Variants in PIP5K1A observed in about 807,000 individuals in gnomAD.
The protein encoded by PIP5K1A is phosphatidylinositol 4-phosphate 5-kinase type-1 alpha.
PIP5K1A carries 46 observed loss-of-function variants against 72.9 expected under a neutral mutation model. That is an observed-to-expected ratio of 0.63 (90% confidence interval 0.50 to 0.81). The LOEUF is 0.81. PIP5K1A is among the 30% of genes least tolerant of loss of function. The probability of loss-of-function intolerance (pLI) is 0.00; values close to 1 mark genes in which losing one functional copy is unlikely to be tolerated. For missense variants in PIP5K1A, 458 were observed against 706.1 expected (o/e 0.65, Z 3.98); for synonymous variants, 228 against 255.1 (o/e 0.89, Z 1.01).
intron 12 of PIP5K1A, among the ~76,000 whole-genome samples, chr1:151,240,893 G>A (rs1004902589): frequency 7.2e-5 from 11 of 151,930 alleles, no homozygotes; most frequent in Admixed American, 2.6e-4. Flanking sequence ...GGCCCGGCAC[G>A]GTGGCTCACA....
At chr1:151,203,655 C>T (rs1685519562) in intron 1 of PIP5K1A, among the ~76,000 whole-genome samples, 1 of 151,838 alleles carries the variant, frequency 6.6e-6, no homozygotes, top group Admixed American at 6.6e-5. Flanking sequence ...GAAACCCCGT[C>T]TCTACTAAAA....
chr1:151,201,466 C>G (rs1685205252), intron 1 of PIP5K1A, among the ~76,000 whole-genome samples: 2 of 151,984 alleles, frequency 1.3e-5, no homozygotes, highest in South Asian at 4.1e-4. Context: ...TCTCCTGACT[C>G]AGTCTCCCAA....
At chr1:151,207,056 GA>G (rs1686037933) in intron 1 of PIP5K1A, among the ~76,000 whole-genome samples, 1 of 151,876 alleles carries the variant, frequency 6.6e-6, no homozygotes. Context: ...TTTTAGTAGA[GA>G]TGAGGTTTCA....
chr1:151,245,708 G>A (rs2101737161), intron 14 of PIP5K1A, among the ~76,000 whole-genome samples: 1 of 152,178 alleles, frequency 6.6e-6, no homozygotes, highest in African/African-American at 2.4e-5. Context: ...GCTAATTTTT[G>A]TATTTTTGGT....
chr1:151,211,938 C>T (rs1686876451), intron 1 of PIP5K1A, among the ~76,000 whole-genome samples: 1 of 151,460 alleles, frequency 6.6e-6, no homozygotes, highest in Non-Finnish European at 1.5e-5. Flanking sequence ...CCCGTCTCTA[C>T]TAAAAACAAA....
At chr1:151,247,572 C>T (rs587708277) in intron 15 of PIP5K1A, among the ~76,000 whole-genome samples, 15 of 152,140 alleles carry the variant, frequency 9.9e-5, no homozygotes, top group African/African-American at 3.6e-4. Context: ...ACTACAGGCG[C>T]CCACCACCAT....
chr1:151,246,493 C>G (rs1337899648), intron 14 of PIP5K1A, among the ~76,000 whole-genome samples: 2 of 151,978 alleles, frequency 1.3e-5, no homozygotes, highest in Non-Finnish European at 1.5e-5. Context: ...GAGCATGAGT[C>G]CAAGAAGAAG....
intron 11 of PIP5K1A, among the ~76,000 whole-genome samples, chr1:151,239,677 A>C (rs1329633532): frequency 1.3e-5 from 2 of 152,046 alleles, no homozygotes; most frequent in African/African-American, 4.8e-5. Context: ...ACAGGTGCCC[A>C]CCACCATGCA....
Position 151,239,170 on chromosome 1 carries a change from C to T in PIP5K1A, c.1270C>T (p.His424Tyr), listed in dbSNP as rs1691297051. 1 of 1,607,210 alleles carries T rather than the reference C, an allele frequency of 6.2e-7. No homozygotes were observed. The highest frequency in any genetic ancestry group is 1.1e-5 in the South Asian group (1 of 90,890). ...KLEHSWKALV[H>Y]DGDTVSVHRP... ...GGAGCACTCTTGGAAAGCCCTGGTA[C>T]ATGACGGAGTAAGTAGTAATACTAG... is the stretch of plus-strand genomic sequence containing the variant. Residue 424 changes from histidine (H) to tyrosine (Y), a missense_variant, in exon 11 of 16, where the codon CAT (histidine) becomes TAT (tyrosine). His to Tyr is a moderately conservative substitution (Grantham distance 83, BLOSUM62 2). This residue lies in a region of PIP5K1A where 157 missense variants were observed against 175.5 expected (regional missense o/e 0.89). Transcript: ENST00000368888.
intron 14 of PIP5K1A, among the ~76,000 whole-genome samples, chr1:151,245,764 G>A (rs1458481654): frequency 6.6e-6 from 1 of 152,072 alleles, no homozygotes; most frequent in Non-Finnish European, 1.5e-5. Context: ...TTGAACTCCT[G>A]GCTTCAGATG....
chr1:151,247,671 G>A (rs1236556721), intron 15 of PIP5K1A, among the ~76,000 whole-genome samples, 192 bp from the exon 16 acceptor site: 1 of 151,906 alleles, frequency 6.6e-6, no homozygotes, highest in Admixed American at 6.6e-5. Flanking sequence ...TGATCCACCT[G>A]CCTGGGCCTC....
At chr1:151,231,618 G>C in intron 4 of PIP5K1A, 53 bp from the exon 5 acceptor site, 4 of 1,541,406 alleles carry the variant, frequency 2.6e-6, no homozygotes, top group Non-Finnish European at 3.6e-6. Context: ...AATTTTTATT[G>C]TTATGATCCT....
intron 14 of PIP5K1A, among the ~76,000 whole-genome samples, chr1:151,245,750 G>C (rs1204512863): frequency 6.6e-6 from 1 of 152,084 alleles, no homozygotes; most frequent in Non-Finnish European, 1.5e-5. Context: ...TGCTGAGGCT[G>C]GTCTTGAACT....
At chr1:151,243,641 T>G (rs894717266) in intron 14 of PIP5K1A, among the ~76,000 whole-genome samples, 1 of 152,206 alleles carries the variant, frequency 6.6e-6, no homozygotes, top group Non-Finnish European at 1.5e-5. Context: ...CTTCTGAGTC[T>G]TCCTTTTTCA....
intron 9 of PIP5K1A, among the ~76,000 whole-genome samples, chr1:151,237,122 G>T (rs185215784): frequency 1.3e-5 from 2 of 152,194 alleles, no homozygotes; most frequent in South Asian, 2.1e-4. Flanking sequence ...GAGCCACCGT[G>T]CCCGGCCACA....
rs115726556 is a variant in PIP5K1A at position 151,201,365 on chromosome 1, T to C, written c.85+2284T>C. On this transcript the variant is annotated intron_variant, in intron 1 of 15. Transcript: ENST00000368888. ...GTATAAATGTTTTTGTGGTTTTTTTTTTGAGACAGAGTATCATTCTGTCAC... is the reference window on the plus strand; with the variant it reads ...GTATAAATGTTTTTGTGGTTTTTTTCTTGAGACAGAGTATCATTCTGTCAC... 4.5e-3 allele frequency among the ~76,000 whole-genome samples: 688 copies of C among 151,962 alleles called. 6 individuals are homozygous for C. Among genetic ancestry groups the C allele is most frequent in the African/African-American group, 0.016 (652 of 41,514 alleles).
At chr1:151,197,470 G>T (rs1467329673), upstream of PIP5K1A, among the ~76,000 whole-genome samples, 1 of 151,230 alleles carries the variant, frequency 6.6e-6, no homozygotes, top group Admixed American at 6.6e-5. Flanking sequence ...TAGTAGAGAC[G>T]GGGTTTCACC....
In PIP5K1A at chr1:151,231,554, G is replaced by C. The variant is rs2102613546; in HGVS notation, c.238-117G>C. The C allele has an allele frequency of 2.3e-6, 2 of 851,118 alleles. 1 individual carries two copies. The highest frequency in any genetic ancestry group is 2.9e-5 in the South Asian group (2 of 69,098). The allele number at this position is 851,118 out of a possible 1,614,324, so 52.7% of individuals were successfully genotyped here. ...TTGTCCCAGTTTTATCTGAACTATT[G>C]CTCAGACTAAAGGATGTTTGTTTTA... On this transcript the variant is annotated intron_variant, in intron 4 of 15. Transcript: ENST00000368888.
Position 151,246,738 on chromosome 1 carries a change from T to C in PIP5K1A, c.1641-182T>C, listed in dbSNP as rs1396645404. On this transcript the variant is annotated intron_variant, in intron 14 of 15. Transcript: ENST00000368888. ...AAATATTTTATAGTATTCAAGAAGC[T>C]AAATATGGTTAATTAAAACAGTGTG... Among the ~76,000 whole-genome samples, 3 of 152,280 alleles carry C rather than the reference T, an allele frequency of 2.0e-5. No individual in the cohort carries two copies. In the East Asian group the frequency reaches 5.8e-4, roughly 29 times the overall value.
Sources: gnomAD v4.1 joint callset for allele counts (sites outside exome capture counted in the v4.1 genomes callset) on GRCh38, gnomAD v4.1.1 for gene constraint, gnomAD v4.1.1 regional missense constraint, MANE v1.5 for transcripts, NCBI Gene and HGNC (gene_info 2026-07-23, HGNC 2026-07-21) for gene names.